The following ELP3 variants were observed in gnomAD, a reference collection of about 807,000 sequenced individuals.
The protein encoded by ELP3 is elongator complex protein 3.
In ELP3, 56 loss-of-function variants were observed where a neutral mutation model predicts 74.9. The ratio of observed to expected loss-of-function variants is 0.75; its 90% confidence interval spans 0.60 to 0.93. ELP3 has a LOEUF of 0.93. Ranked by LOEUF, ELP3 falls within the 40% of genes least tolerant of loss-of-function variation. The pLI is 0.00. For synonymous variants in ELP3, 222 were observed against 239.8 expected (o/e 0.93, Z 0.68); for missense variants, 573 against 686.5 (o/e 0.83, Z 1.85).
upstream of ELP3, among the ~76,000 whole-genome samples, chr8:28,092,570 G>A (rs892052083): frequency 6.6e-6 from 1 of 152,148 alleles, no homozygotes; most frequent in Admixed American, 6.5e-5. Flanking sequence ...GCAGAGTTTA[G>A]GGTCCCGAGA....
At chr8:28,090,396 A>G (rs1482633070), upstream of ELP3, 5 of 372,314 alleles carry the variant, frequency 1.3e-5, no homozygotes, top group Admixed American at 1.3e-4. Context: ...TGAATCCTCC[A>G]TAGTCTGGTG....
intron 14 of ELP3, among the ~76,000 whole-genome samples, chr8:28,169,019 T>C (rs1214867746): frequency 6.6e-6 from 1 of 152,216 alleles, no homozygotes; most frequent in Non-Finnish European, 1.5e-5. Flanking sequence ...TTAGTTGGCC[T>C]GGCTTAAGCT....
chr8:28,189,150 T>TA (rs1815356154), intron 14 of ELP3, among the ~76,000 whole-genome samples: 1 of 152,272 alleles, frequency 6.6e-6, no homozygotes, highest in African/African-American at 2.4e-5. Flanking sequence ...CTTCTGACAG[T>TA]AGCCACAAGT....
intron 7 of ELP3, among the ~76,000 whole-genome samples, chr8:28,122,992 C>T (rs1178594002): frequency 3.3e-5 from 5 of 152,190 alleles, no homozygotes; most frequent in Non-Finnish European, 5.9e-5. Flanking sequence ...TGTGTGGTGG[C>T]ACGCACCTGT....
At chr8:28,143,154 A>C (rs987330862) in intron 10 of ELP3, among the ~76,000 whole-genome samples, 1 of 152,218 alleles carries the variant, frequency 6.6e-6, no homozygotes, top group Non-Finnish European at 1.5e-5. Context: ...CTGAAATTTT[A>C]GACTAGGCAT....
chr8:28,110,193 C>G (rs1811858876), intron 5 of ELP3, among the ~76,000 whole-genome samples, 177 bp from the exon 6 acceptor site: 1 of 152,146 alleles, frequency 6.6e-6, no homozygotes, highest in Non-Finnish European at 1.5e-5. Context: ...TGGACACCTG[C>G]CAGATGCGAT....
chr8:28,175,810 CTTTTTTTTTT>C (rs56901616), intron 14 of ELP3, among the ~76,000 whole-genome samples: 4 of 78,228 alleles, frequency 5.1e-5, no homozygotes, highest in East Asian at 7.9e-4. Context: ...TGTCTAGTGA[CTTTTTTTTTT>C]TTTTTTTTTT....
chr8:28,171,203 G>A (rs1390795023), intron 14 of ELP3, among the ~76,000 whole-genome samples: 3 of 152,142 alleles, frequency 2.0e-5, no homozygotes, highest in African/African-American at 7.2e-5. Context: ...ACCCAGAAGT[G>A]TAATTGCTGA....
At chr8:28,094,772 C>T (rs1811189636) in intron 1 of ELP3, among the ~76,000 whole-genome samples, 1 of 152,028 alleles carries the variant, frequency 6.6e-6, no homozygotes, top group African/African-American at 2.4e-5. Flanking sequence ...AAAAAATTGT[C>T]GATCTTTTCC....
At chr8:28,115,402 A>G (rs571455831) in intron 7 of ELP3, among the ~76,000 whole-genome samples, 1 of 152,338 alleles carries the variant, frequency 6.6e-6, no homozygotes, top group East Asian at 1.9e-4. Context: ...GTTCATGCAC[A>G]TACACACACA....
At chr8:28,129,845 A>G (rs1812725772) in intron 8 of ELP3, among the ~76,000 whole-genome samples, 182 bp downstream of exon 8, 1 of 151,986 alleles carries the variant, frequency 6.6e-6, no homozygotes, top group African/African-American at 2.4e-5. Flanking sequence ...CCTCATTTTC[A>G]GTCTTTCTCT....
At chr8:28,153,712 A>G (rs928871129) in intron 10 of ELP3, among the ~76,000 whole-genome samples, 4 of 152,282 alleles carry the variant, frequency 2.6e-5, no homozygotes, top group African/African-American at 9.6e-5. Flanking sequence ...GTCCTGGATT[A>G]TCTCCTCTGA....
At chr8:28,139,002 C>T (rs3757893) in intron 10 of ELP3, among the ~76,000 whole-genome samples, 16,702 of 152,160 alleles carry the variant, frequency 0.11, 1,199 homozygotes, top group South Asian at 0.19. Flanking sequence ...TTAGGTGGTG[C>T]GGAGCAGTGT....
chr8:28,166,674 G>A (rs554352696), intron 14 of ELP3, among the ~76,000 whole-genome samples: 50 of 152,294 alleles, frequency 3.3e-4, no homozygotes, highest in Non-Finnish European at 5.7e-4. Flanking sequence ...TAACCACAAC[G>A]TCTGAAATGC....
intron 14 of ELP3, among the ~76,000 whole-genome samples, chr8:28,183,881 C>T (rs1486587122): frequency 2.0e-5 from 3 of 152,216 alleles, no homozygotes; most frequent in African/African-American, 7.2e-5. Flanking sequence ...GGGCGCCTCT[C>T]CTCTGGCGGA....
chr8:28,171,254 CA>C (rs1466621489), intron 14 of ELP3, among the ~76,000 whole-genome samples: 1 of 152,164 alleles, frequency 6.6e-6, no homozygotes, highest in Non-Finnish European at 1.5e-5. Context: ...GAGGAACCAC[CA>C]AACTATTTTC....
chr8:28,092,944 G>A, upstream of ELP3: 1 of 600,588 alleles, frequency 1.7e-6, no homozygotes, highest in Non-Finnish European at 3.0e-6. Flanking sequence ...CTAACCCCAA[G>A]ATGCCACTCC....
intron 7 of ELP3, among the ~76,000 whole-genome samples, chr8:28,128,767 T>C (rs924338887): frequency 6.6e-6 from 1 of 152,144 alleles, no homozygotes; most frequent in Non-Finnish European, 1.5e-5. Context: ...CACAACAGCC[T>C]CTGTAAATGT....
chr8:28,099,770 T>G, intron 2 of ELP3, 58 bp from the exon 3 acceptor site: 1 of 1,594,632 alleles, frequency 6.3e-7, no homozygotes. Flanking sequence ...GATCATCCTC[T>G]TGGTAGCTTG....
Sources: allele counts gnomAD v4.1 joint callset (sites outside exome capture counted in the v4.1 genomes callset), GRCh38; gene constraint gnomAD v4.1.1; transcripts MANE v1.5; gene names NCBI Gene and HGNC (gene_info 2026-07-23, HGNC 2026-07-21).